UGT2A3: variants seen among roughly 807,000 people sequenced by gnomAD.
UGT2A3 encodes UDP glucuronosyltransferase family 2 member A3.
A neutral mutation model predicts 44.1 loss-of-function variants in UGT2A3; 55 were observed. That is an observed-to-expected ratio of 1.25 (90% CI 1.00 to 1.56). The LOEUF is 1.56. Among genes scored for constraint, UGT2A3 ranks in the 40% most tolerant of loss-of-function variants. The pLI is 0.00. For synonymous variants in UGT2A3, 243 were observed against 215.1 expected (o/e 1.13, Z -1.13); for missense variants, 733 against 621.6 (o/e 1.18, Z -1.91).
Position 68,930,083 on chromosome 4 carries a change from C to T in UGT2A3, c.1314G>A (p.Glu438=). ...RTVITDSSYK[E]NAMRLSRIHH... Reference sequence around the variant, plus strand: ...GAATTCTTGATAATCTCATAGCATTCTCTTTATAACTGGAAGGGAAAAACA... The same window carrying T: ...GAATTCTTGATAATCTCATAGCATTTTCTTTATAACTGGAAGGGAAAAACA... Residue 438 remains glutamate (E), a synonymous_variant, in exon 6 of 6, where the codon GAG becomes GAA. Transcript: ENST00000251566. 6.2e-7 allele frequency: 1 copy of T among 1,603,440 alleles called. No homozygotes were observed. The highest frequency in any genetic ancestry group is 8.5e-7 in the Non-Finnish European group (1 of 1,174,642).
At chr4:68,946,401 G>T (rs996506781) in intron 1 of UGT2A3, among the ~76,000 whole-genome samples, 1 of 151,442 alleles carries the variant, frequency 6.6e-6, no homozygotes, top group African/African-American at 2.4e-5. Context: ...AAATCCAAAC[G>T]CCTTGAATTT....
chr4:68,946,945 G>A (rs921416996), intron 1 of UGT2A3, among the ~76,000 whole-genome samples: 2 of 151,666 alleles, frequency 1.3e-5, no homozygotes, highest in African/African-American at 4.8e-5. Context: ...GCTAAAAAGT[G>A]CTAATAATAA....
chr4:68,945,904 C>T (rs1240721643), intron 1 of UGT2A3, among the ~76,000 whole-genome samples: 1 of 151,586 alleles, frequency 6.6e-6, no homozygotes, highest in Non-Finnish European at 1.5e-5. Context: ...TAAATAACAT[C>T]TCTGTATTTT....
At chr4:68,931,771 C>T (rs1346854542) in intron 3 of UGT2A3, among the ~76,000 whole-genome samples, 1 of 151,954 alleles carries the variant, frequency 6.6e-6, no homozygotes, top group Non-Finnish European at 1.5e-5. Context: ...TAGAAAATTA[C>T]TTATGTTCCA....
At chr4:68,947,224 G>A (rs1049465607) in intron 1 of UGT2A3, among the ~76,000 whole-genome samples, 3 of 151,602 alleles carry the variant, frequency 2.0e-5, no homozygotes, top group Non-Finnish European at 4.4e-5. Flanking sequence ...TACTAATTTT[G>A]TGTAATATTC....
At chr4:68,930,438 G>A (rs1211002196) in intron 5 of UGT2A3, 108 bp downstream of exon 5, 1 of 1,060,360 alleles carries the variant, frequency 9.4e-7, no homozygotes, top group Middle Eastern at 2.5e-4. Context: ...ACTCAATATT[G>A]TGGAGTAAAA....
At chr4:68,935,645 G>A (rs752733645) in intron 2 of UGT2A3, among the ~76,000 whole-genome samples, 5 of 151,970 alleles carry the variant, frequency 3.3e-5, no homozygotes, top group Admixed American at 6.6e-5. Context: ...AAAGCAGAGC[G>A]CCACTACTCC....
At chr4:68,938,424 C>A (rs760338829) in intron 2 of UGT2A3, among the ~76,000 whole-genome samples, 6 of 151,946 alleles carry the variant, frequency 3.9e-5, no homozygotes, top group South Asian at 2.1e-4. Flanking sequence ...TAAATGTAAT[C>A]CTTCACACAA....
At chr4:68,945,659 G>T (rs1410944979) in intron 1 of UGT2A3, among the ~76,000 whole-genome samples, 4 of 149,852 alleles carry the variant, frequency 2.7e-5, no homozygotes, top group Non-Finnish European at 6.0e-5. Context: ...GACAGAGAAA[G>T]AAAGGAGGGA....
At chr4:68,944,231 A>G (rs1718299088) in intron 2 of UGT2A3, among the ~76,000 whole-genome samples, 1 of 151,824 alleles carries the variant, frequency 6.6e-6, no homozygotes. Flanking sequence ...TAGGTCATAC[A>G]AGAGACACAG....
rs752469604 is a variant in UGT2A3, at chr4:68,931,230, AC to A, written c.1008del (p.Arg336SerfsTer10). 1.7e-5 allele frequency: 27 copies of A among 1,611,910 alleles called. No homozygotes were observed. Among genetic ancestry groups the A allele is most frequent in the Non-Finnish European group, 2.1e-5 (25 of 1,178,842 alleles). On this transcript the variant is annotated frameshift_variant, in exon 4 of 6. Transcript: ENST00000251566. LOFTEE classifies it high-confidence loss of function. ...AATGTGGATGGTTTTTTTCCTTTGT[AC>A]CTCCATAACACCTACGGAAGAAACA... The part of the protein sequence containing the change: ...LAQIPQKVLW[R>X]YKGKKPSTLG...
rs1717696868 is a variant in UGT2A3 at position 68,930,610 on chromosome 4, T to C, written c.1240A>G (p.Asn414Asp). Reference sequence around the variant, plus strand: ...TCTTCGCTTGTCATAGTTTTGAAGTTTATTTCTACAGCTGCTCCTTTGGCC... The same window carrying C: ...TCTTCGCTTGTCATAGTTTTGAAGTCTATTTCTACAGCTGCTCCTTTGGCC... Reference protein sequence around the residue: ...MKAKGAAVEINFKTMTSEDLL... With the variant: ...MKAKGAAVEIDFKTMTSEDLL... Residue 414 changes from asparagine (N) to aspartate (D), a missense_variant, in exon 5 of 6, where the codon AAC becomes GAC. Coordinates refer to ENST00000251566, the MANE Select transcript of UGT2A3 (RefSeq NM_024743.4). The C allele has an allele frequency of 1.2e-6, 2 of 1,613,392 alleles. No homozygotes were observed. Among genetic ancestry groups the C allele is most frequent in the African/African-American group, 2.7e-5 (2 of 74,884 alleles).
intron 2 of UGT2A3, among the ~76,000 whole-genome samples, chr4:68,945,066 T>G (rs1256905980): frequency 6.6e-6 from 1 of 151,764 alleles, no homozygotes; most frequent in Non-Finnish European, 1.5e-5. Context: ...TTATCCAAAC[T>G]ATTGTAATAC....
At chr4:68,945,548 T>G in intron 1 of UGT2A3, 94 bp from the exon 2 acceptor site, 2 of 1,058,376 alleles carry the variant, frequency 1.9e-6, no homozygotes, top group Non-Finnish European at 2.7e-6. Flanking sequence ...AAAAAATAAG[T>G]TTAAGTCCTC....
intron 1 of UGT2A3, among the ~76,000 whole-genome samples, chr4:68,947,299 C>A (rs1034170175): frequency 6.6e-6 from 1 of 151,786 alleles, no homozygotes; most frequent in African/African-American, 2.4e-5. Context: ...TTCCAACTCA[C>A]AAAACCAATT....
intron 2 of UGT2A3, among the ~76,000 whole-genome samples, chr4:68,933,266 G>C (rs1341154008): frequency 6.6e-6 from 1 of 152,020 alleles, no homozygotes; most frequent in Non-Finnish European, 1.5e-5. Context: ...TCCATGACCA[G>C]AAAGAAGAAA....
intron 2 of UGT2A3, among the ~76,000 whole-genome samples, chr4:68,936,269 A>G (rs1161984560): frequency 6.6e-6 from 1 of 152,126 alleles, no homozygotes; most frequent in Non-Finnish European, 1.5e-5. Context: ...TGTCAGATTC[A>G]CTAAGGTTGA....
At chr4:68,942,520 TA>T (rs1718235301) in intron 2 of UGT2A3, among the ~76,000 whole-genome samples, 2 of 6,292 alleles carry the variant, frequency 3.2e-4, no homozygotes, top group African/African-American at 6.7e-4. Context: ...TATATATATA[TA>T]TATATATATA....
intron 2 of UGT2A3, among the ~76,000 whole-genome samples, chr4:68,940,090 A>C (rs1416416156): frequency 1.3e-5 from 2 of 152,178 alleles, no homozygotes; most frequent in Non-Finnish European, 2.9e-5. Context: ...ACGTTTTTAC[A>C]CTGTTGGTGG....
Sources: allele counts gnomAD v4.1 joint callset (sites outside exome capture counted in the v4.1 genomes callset), GRCh38; gene constraint gnomAD v4.1.1; transcripts MANE v1.5; gene names NCBI Gene and HGNC (gene_info 2026-07-23, HGNC 2026-07-21).